ZNF277: variants seen among roughly 807,000 people sequenced by gnomAD.
ZNF277 encodes the protein nuclear receptor-interacting factor 4.
In ZNF277, 55 loss-of-function variants were observed where a neutral mutation model predicts 60.7. The ratio of observed to expected loss-of-function variants is 0.91; its 90% CI spans 0.73 to 1.13. ZNF277 has a LOEUF of 1.13. ZNF277 is among the 50% of genes most tolerant of loss of function. ZNF277 has a pLI of 0.00. For missense variants in ZNF277, 510 were observed against 523.0 expected (o/e 0.98, Z 0.24); for synonymous variants, 178 against 179.3 (o/e 0.99, Z 0.06).
At chr7:112,277,193 C>T (rs1034448039) in intron 1 of ZNF277, among the ~76,000 whole-genome samples, 1 of 150,436 alleles carries the variant, frequency 6.6e-6, no homozygotes, top group African/African-American at 2.5e-5. Context: ...ACACCATTCT[C>T]CTGCCTCAGC....
intron 1 of ZNF277, among the ~76,000 whole-genome samples, chr7:112,248,371 A>G (rs1006039915): frequency 6.6e-6 from 1 of 151,738 alleles, no homozygotes; most frequent in African/African-American, 2.4e-5. Context: ...TAAAGAGAAC[A>G]GCATTAAAAT....
chr7:112,287,638 T>G (rs1792104832), intron 2 of ZNF277: 1 of 152,044 alleles, frequency 6.6e-6, no homozygotes, highest in African/African-American at 2.4e-5. Context: ...GCGATTCTCC[T>G]GCCTCAGCCT....
At chr7:112,267,879 C>G (rs1299683944) in intron 1 of ZNF277, among the ~76,000 whole-genome samples, 1 of 152,098 alleles carries the variant, frequency 6.6e-6, no homozygotes, top group Non-Finnish European at 1.5e-5. Flanking sequence ...CAAGATTTCC[C>G]TGGATGCTCC....
chr7:112,271,409 C>T (rs1791666593), intron 1 of ZNF277, among the ~76,000 whole-genome samples: 1 of 152,144 alleles, frequency 6.6e-6, no homozygotes, highest in African/African-American at 2.4e-5. Context: ...TCTGTTACAT[C>T]ATGGAGATGG....
chr7:112,232,195 G>A (rs114597926), intron 1 of ZNF277, among the ~76,000 whole-genome samples: 2,162 of 151,910 alleles, frequency 0.014, 53 homozygotes, highest in African/African-American at 0.05. Context: ...TAAAACAGGG[G>A]TTGGGAGTCA....
intron 1 of ZNF277, among the ~76,000 whole-genome samples, chr7:112,245,665 A>G (rs1263913394): frequency 1.3e-5 from 2 of 151,854 alleles, no homozygotes; most frequent in African/African-American, 4.8e-5. Context: ...GCATTCCTTA[A>G]TGTATTATCC....
At chr7:112,230,078 TGAG>T (rs905026734) in intron 1 of ZNF277, among the ~76,000 whole-genome samples, 10 of 140,200 alleles carry the variant, frequency 7.1e-5, no homozygotes, top group African/African-American at 2.0e-4. Flanking sequence ...TCCTACATGA[TGAG>T]GAGAGTGCTT....
intron 2 of ZNF277, chr7:112,289,038 TA>T (rs1792141115): frequency 6.7e-6 from 1 of 150,314 alleles, no homozygotes; most frequent in Non-Finnish European, 1.5e-5. Flanking sequence ...AAATGGTAGA[TA>T]AAATGCAAAA....
At position 112,207,283 on chromosome 7, in the gene ZNF277, C is replaced by T. The variant is rs1357017549; in HGVS notation, c.91+476C>T. Among the ~76,000 whole-genome samples the T allele has an allele frequency of 8.5e-5, 13 of 152,322 alleles. No homozygotes were observed. In the East Asian group the frequency reaches 2.5e-3, roughly 29 times the overall value. ...ATTTCCAGTCGCAGACTGGTGGTCA[C>T]TGCTCTCCACTCTACAGATTTGCCC... On this transcript the variant is annotated intron_variant, in intron 1 of 11. Coordinates refer to ENST00000361822, the MANE Select transcript of ZNF277 (RefSeq NM_021994.3).
intron 1 of ZNF277, among the ~76,000 whole-genome samples, chr7:112,215,857 A>G (rs753801413): frequency 1.8e-4 from 28 of 152,178 alleles, no homozygotes; most frequent in Admixed American, 3.9e-4. Context: ...CAGAATTGTA[A>G]TCGTGGTTAT....
rs530043951 is a variant in ZNF277, at chr7:112,210,283, T to C, written c.91+3476T>C. ...TGGGACAGTGAGGCCTAGGAAGACT[T>C]TTTATAGAAATCCTTGCAATTCCTC... On this transcript the variant is annotated intron_variant, in intron 1 of 11. Coordinates refer to ENST00000361822, the MANE Select transcript of ZNF277 (RefSeq NM_021994.3). Among the ~76,000 whole-genome samples the C allele has an allele frequency of 5.9e-5, 9 of 152,056 alleles. No individual in the cohort carries two copies. The East Asian group carries it at 9.7e-4, about 16-fold the overall frequency.
At chr7:112,298,837 T>G (rs114833235) in intron 4 of ZNF277, among the ~76,000 whole-genome samples, 1 of 152,158 alleles carries the variant, frequency 6.6e-6, no homozygotes, top group Non-Finnish European at 1.5e-5. Flanking sequence ...GTGAATGAGG[T>G]GCAGAGCTAG....
intron 1 of ZNF277, among the ~76,000 whole-genome samples, chr7:112,242,902 T>G (rs1407215532): frequency 6.6e-6 from 1 of 152,066 alleles, no homozygotes; most frequent in African/African-American, 2.4e-5. Flanking sequence ...AATATCACAT[T>G]ACCTAACTTC....
chr7:112,278,198 A>C (rs1366868766), intron 1 of ZNF277, among the ~76,000 whole-genome samples: 1 of 152,210 alleles, frequency 6.6e-6, no homozygotes, highest in Admixed American at 6.5e-5. Flanking sequence ...TGATGAACAG[A>C]ATGCAAAAGC....
chr7:112,216,494 T>C (rs1821886348), intron 1 of ZNF277, among the ~76,000 whole-genome samples: 1 of 151,988 alleles, frequency 6.6e-6, no homozygotes, highest in Non-Finnish European at 1.5e-5. Flanking sequence ...ATTTTTTGTA[T>C]AGATGAGGTT....
intron 7 of ZNF277, 84 bp from the exon 8 acceptor site, chr7:112,336,020 G>T: frequency 1.7e-6 from 2 of 1,144,706 alleles, no homozygotes; most frequent in African/African-American, 1.6e-5. Context: ...TTATTTTTTT[G>T]GTTTTGATTT....
intron 5 of ZNF277, among the ~76,000 whole-genome samples, chr7:112,319,037 C>A (rs370920804): frequency 6.6e-6 from 1 of 152,160 alleles, no homozygotes; most frequent in East Asian, 1.9e-4. Flanking sequence ...GTTTCTGAAT[C>A]CTCTTCCCAA....
chr7:112,236,536 G>A (rs1417283242), intron 1 of ZNF277, among the ~76,000 whole-genome samples: 3 of 151,936 alleles, frequency 2.0e-5, no homozygotes, highest in East Asian at 3.9e-4. Context: ...TGTAAGTGTA[G>A]GAGAGAAAAA....
At position 112,242,203 on chromosome 7, in the gene ZNF277, C is replaced by T. The variant is rs1398495288; in HGVS notation, c.91+35396C>T. On this transcript the variant is annotated intron_variant, in intron 1 of 11. Coordinates refer to ENST00000361822, the MANE Select transcript of ZNF277 (RefSeq NM_021994.3). ...TGCTGAAAGAGTATACAGTACAATTCAGCATCCTTCATGATAAAAGCTCTC... is the reference window on the plus strand; with the variant it reads ...TGCTGAAAGAGTATACAGTACAATTTAGCATCCTTCATGATAAAAGCTCTC... 1.3e-5 allele frequency among the ~76,000 whole-genome samples: 2 copies of T among 151,898 alleles called. 1 individual carries two copies. The highest frequency in any genetic ancestry group is 4.1e-4 in the South Asian group (2 of 4,826).
Sources: gnomAD v4.1 joint callset for allele counts (sites outside exome capture counted in the v4.1 genomes callset) on GRCh38, gnomAD v4.1.1 for gene constraint, MANE v1.5 for transcripts, NCBI Gene and HGNC (gene_info 2026-07-23, HGNC 2026-07-21) for gene names.